Variants in TMOD3 observed in about 807,000 individuals in gnomAD.
TMOD3 encodes the protein tropomodulin-3.
Under a neutral mutation model 39.2 loss-of-function variants are expected in TMOD3, and 20 were observed. The ratio of observed to expected loss-of-function variants is 0.51; its 90% CI spans 0.36 to 0.74. The LOEUF is 0.74. Ranked by LOEUF, TMOD3 falls within the 30% of genes least tolerant of loss-of-function variation. The pLI is 0.00. For synonymous variants in TMOD3, 143 were observed against 145.8 expected, an observed-to-expected ratio of 0.98 and a Z score of 0.14; for missense variants, 381 against 412.8, an observed-to-expected ratio of 0.92 and a Z score of 0.67.
chr15:51,859,760 C>T, intron 1 of TMOD3: 1 of 492,708 alleles, frequency 2.0e-6, no homozygotes, highest in Middle Eastern at 3.4e-4. Context: ...CTTCATCTGC[C>T]ACATTGTCCC....
chr15:51,851,951 A>G (rs1026517968), intron 1 of TMOD3, among the ~76,000 whole-genome samples: 1 of 152,182 alleles, frequency 6.6e-6, no homozygotes, highest in Non-Finnish European at 1.5e-5. Flanking sequence ...ATCTTTCAGA[A>G]CAGTCCTTCT....
At position 51,847,846 on chromosome 15, in the gene TMOD3, GC is replaced by G. The variant is rs1237166782; in HGVS notation, c.-74-14964del. On this transcript the variant is annotated intron_variant, in intron 1 of 9. Coordinates refer to ENST00000308580, the MANE Select transcript of TMOD3 (RefSeq NM_014547.5). Reference sequence around the variant, plus strand: ...TATGTGTGCCAATACAGTGCTTTGAGCGTGGTGGGTATTGCTACGGTTTGAA... The same window carrying G: ...TATGTGTGCCAATACAGTGCTTTGAGGTGGTGGGTATTGCTACGGTTTGAA... 1.1e-4 allele frequency among the ~76,000 whole-genome samples: 17 copies of G among 152,330 alleles called. No homozygotes were observed. In the East Asian group the frequency reaches 3.1e-3, roughly 28 times the overall value.
intron 1 of TMOD3, among the ~76,000 whole-genome samples, chr15:51,846,019 T>G (rs2056333652): frequency 6.6e-6 from 1 of 151,934 alleles, no homozygotes; most frequent in South Asian, 2.1e-4. Context: ...CATTAAAATT[T>G]AAAAGTACAC....
chr15:51,888,527 C>A (rs2959305), intron 4 of TMOD3, among the ~76,000 whole-genome samples: 54,803 of 152,074 alleles, frequency 0.36, 10,311 homozygotes, highest in Middle Eastern at 0.43. Context: ...AAAACTAAAA[C>A]CAAATTTATT....
In TMOD3 at chr15:51,908,819, A is replaced by G; in HGVS notation, c.*9A>G. 1 of 1,603,928 alleles carries G rather than the reference A, an allele frequency of 6.2e-7. No individual in the cohort carries two copies. The highest frequency in any genetic ancestry group is 8.5e-7 in the Non-Finnish European group (1 of 1,175,858). On this transcript the variant is annotated 3_prime_UTR_variant, in exon 10 of 10. Transcript: ENST00000308580. ...AAGGAGATCACCAGTAAGTCTGCAA[A>G]GGTGTAATCTTTGGAAGACTTCAGA...
At chr15:51,864,331 A>G (rs1298810005) in intron 2 of TMOD3, among the ~76,000 whole-genome samples, 11 of 151,638 alleles carry the variant, frequency 7.3e-5, no homozygotes, top group Non-Finnish European at 1.5e-4. Context: ...AGGTTCCTCA[A>G]TCTTGACAGT....
rs767514635 is a variant in TMOD3, at chr15:51,893,938, A to C, written c.620A>C (p.Asn207Thr). The C allele has an allele frequency of 1.1e-5, 17 of 1,602,872 alleles. No homozygotes were observed. The highest frequency in any genetic ancestry group is 1.4e-5 in the Non-Finnish European group (17 of 1,172,638). ...CATCTTGTTGAAGTTAATTTGAATA[A>C]TATAAAGGTAAGTGTGCTAATCAGA... ...DAHLVEVNLN[N>T]IKNIPIPTLK... Residue 207 changes from asparagine (N) to threonine (T), a missense_variant, in exon 6 of 10, where the codon AAT becomes ACT. Asn to Thr is a moderately conservative substitution (Grantham distance 65, BLOSUM62 0). Transcript: ENST00000308580.
At chr15:51,870,351 C>T (rs1566859308) in intron 3 of TMOD3, among the ~76,000 whole-genome samples, 1 of 152,216 alleles carries the variant, frequency 6.6e-6, no homozygotes, top group African/African-American at 2.4e-5. Flanking sequence ...CCAAATTCTA[C>T]GTTCACTCTT....
chr15:51,850,847 C>T (rs2056358205), intron 1 of TMOD3, among the ~76,000 whole-genome samples: 1 of 152,144 alleles, frequency 6.6e-6, no homozygotes. Context: ...AGCGATTCTC[C>T]TGCCTCAGCC....
intron 5 of TMOD3, among the ~76,000 whole-genome samples, chr15:51,889,886 G>A (rs556775841): frequency 6.6e-6 from 1 of 152,100 alleles, no homozygotes; most frequent in East Asian, 1.9e-4. Flanking sequence ...CATGTATAGG[G>A]TGTTCTTAAA....
intron 1 of TMOD3, among the ~76,000 whole-genome samples, chr15:51,847,510 G>A (rs1425749120): frequency 2.6e-5 from 4 of 152,088 alleles, no homozygotes; most frequent in Non-Finnish European, 5.9e-5. Flanking sequence ...TCAACAAACC[G>A]TAGCATCCCC....
Position 51,911,456 on chromosome 15 carries a change from G to T in TMOD3, c.*2646G>T, listed in dbSNP as rs1372029513. ...TCCAAAATTATAAGGGAGAAAAATC[G>T]GGTTTACTTCAATCTTTAAAAATCT... On this transcript the variant is annotated 3_prime_UTR_variant, in exon 10 of 10. Transcript: ENST00000308580. The T allele has an allele frequency of 6.6e-6, 1 of 151,914 alleles. No homozygotes were observed. 9.4% of individuals were successfully genotyped at this position (151,914 alleles called of 1,614,324 possible). A position where few individuals can be genotyped will look rare whatever the true frequency, so the allele number is the denominator to read the frequency against.
At chr15:51,881,890 T>A (rs1449817303) in intron 3 of TMOD3, among the ~76,000 whole-genome samples, 1 of 151,862 alleles carries the variant, frequency 6.6e-6, no homozygotes, top group African/African-American at 2.4e-5. Context: ...TAGGGTTTTG[T>A]TTTTATTTTA....
At chr15:51,862,620 T>C (rs569651138) in intron 1 of TMOD3, among the ~76,000 whole-genome samples, 191 bp from the exon 2 acceptor site, 11 of 152,326 alleles carry the variant, frequency 7.2e-5, no homozygotes, top group Non-Finnish European at 1.3e-4. Context: ...TCCCTCTTTT[T>C]TCCTGGTTGA....
intron 1 of TMOD3, among the ~76,000 whole-genome samples, chr15:51,855,799 C>A (rs190188996): frequency 6.6e-5 from 10 of 152,294 alleles, no homozygotes; most frequent in South Asian, 6.2e-4. Flanking sequence ...GAAAGAAAAG[C>A]AAAGCAAAGC....
intron 3 of TMOD3, among the ~76,000 whole-genome samples, chr15:51,873,075 A>G (rs2056483996): frequency 6.6e-6 from 1 of 152,188 alleles, no homozygotes; most frequent in Non-Finnish European, 1.5e-5. Context: ...ATGTTCTGAA[A>G]TCCACCCTAG....
chr15:51,905,920 C>T (rs898811485), intron 9 of TMOD3, among the ~76,000 whole-genome samples: 6 of 117,810 alleles, frequency 5.1e-5, no homozygotes, highest in Non-Finnish European at 7.9e-5. Context: ...GTCCGCAGTC[C>T]GGCCTGGGCA....
rs542362302 is a variant in TMOD3 at position 51,893,167 on chromosome 15, C to T, written c.497-648C>T. 9.2e-5 allele frequency among the ~76,000 whole-genome samples: 14 copies of T among 151,606 alleles called. No homozygotes were observed. In the South Asian group the frequency reaches 1.9e-3, roughly 20 times the overall value. ...AAAATTAGCCAGGCATGGTGACACA[C>T]GCCTGTATTCCCAGCTACTTGGGAG... On this transcript the variant is annotated intron_variant, in intron 5 of 9. Coordinates refer to ENST00000308580, the MANE Select transcript of TMOD3 (RefSeq NM_014547.5).
At position 51,880,061 on chromosome 15, in the gene TMOD3, TAA is replaced by T. The variant is rs554939903; in HGVS notation, c.284-7527_284-7526del. ...TTTTAAAATCTAATTGATATTGATA[TAA>T]GACTAATTTAAATTAATACATGTTT... On this transcript the variant is annotated intron_variant, in intron 3 of 9. Transcript: ENST00000308580. 2.0e-5 allele frequency among the ~76,000 whole-genome samples: 3 copies of T among 152,334 alleles called. No individual in the cohort carries two copies. The South Asian group carries it at 6.2e-4, about 32-fold the overall frequency.
Sources: gnomAD v4.1 joint callset for allele counts (sites outside exome capture counted in the v4.1 genomes callset) on GRCh38, gnomAD v4.1.1 for gene constraint, MANE v1.5 for transcripts, NCBI Gene and HGNC (gene_info 2026-07-23, HGNC 2026-07-21) for gene names.